Variants in CHD6 observed in about 807,000 individuals in gnomAD.
CHD6 encodes ATP-dependent chromatin remodeler CHD6.
Under a neutral mutation model 276.9 loss-of-function variants are expected in CHD6, and 50 were observed. That is an observed-to-expected ratio of 0.18 (90% CI 0.14 to 0.23). The LOEUF is 0.23. CHD6 is among the 10% of genes least tolerant of loss of function. The pLI, the probability that CHD6 is intolerant of heterozygous loss-of-function variation, is 1.00. For synonymous variants in CHD6, 1,173 were observed against 1,229.3 expected (o/e 0.95, Z 0.96); for missense variants, 2,564 against 3,365.8 (o/e 0.76, Z 5.89).
chr20:41,586,562 GCCATCTTGGGAGCGGCCCACCA>G (rs2045597480), intron 1 of CHD6, among the ~76,000 whole-genome samples: 1 of 152,220 alleles, frequency 6.6e-6, no homozygotes, highest in Non-Finnish European at 1.5e-5. Flanking sequence ...AAGGCTTGCT[GCCATCTTGGGAGCGGCCCACCA>G]CCATCTTGGG....
intron 1 of CHD6, among the ~76,000 whole-genome samples, chr20:41,554,435 C>G (rs1019832516): frequency 1.3e-5 from 2 of 151,236 alleles, no homozygotes; most frequent in Non-Finnish European, 2.9e-5. Flanking sequence ...GTGTTTCTCG[C>G]AGAGGGGGAT....
intron 3 of CHD6, among the ~76,000 whole-genome samples, chr20:41,518,293 C>T (rs1264648485): frequency 3.9e-5 from 6 of 152,134 alleles, no homozygotes; most frequent in Non-Finnish European, 8.8e-5. Context: ...TGTGTGTGTG[C>T]GTGCGCGCGT....
intron 1 of CHD6, chr20:41,614,770 GA>G (rs748722989): frequency 4.6e-5 from 7 of 152,164 alleles, no homozygotes; most frequent in Non-Finnish European, 1.0e-4. Flanking sequence ...TCCACAACAT[GA>G]ACCAAAGAAA....
chr20:41,521,245 T>C (rs2044386379), intron 3 of CHD6, among the ~76,000 whole-genome samples: 1 of 152,222 alleles, frequency 6.6e-6, no homozygotes, highest in Admixed American at 6.5e-5. Flanking sequence ...CATTAATTGA[T>C]TAACACAGCA....
intron 1 of CHD6, among the ~76,000 whole-genome samples, chr20:41,617,839 C>T (rs2045948780): frequency 1.3e-5 from 2 of 151,538 alleles, no homozygotes; most frequent in South Asian, 4.2e-4. Flanking sequence ...TGCAAACAGA[C>T]GCAGGACGCG....
chr20:41,521,672 A>G (rs184425810), intron 3 of CHD6, among the ~76,000 whole-genome samples: 176 of 152,332 alleles, frequency 1.2e-3, no homozygotes, highest in African/African-American at 3.8e-3. Flanking sequence ...CCCTATCAGC[A>G]ATGAGTACAC....
intron 14 of CHD6, chr20:41,485,944 T>G (rs2043403266): frequency 6.6e-6 from 1 of 152,122 alleles, no homozygotes; most frequent in Non-Finnish European, 1.5e-5. Context: ...TTTTGTCGAT[T>G]AAAAAAATAA....
intron 1 of CHD6, among the ~76,000 whole-genome samples, chr20:41,555,339 G>A (rs1232967343): frequency 1.4e-5 from 2 of 145,758 alleles, no homozygotes; most frequent in African/African-American, 2.5e-5. Flanking sequence ...CCTCCCGGAC[G>A]GGGCGGCCGG....
chr20:41,516,548 C>A (rs1051101276), intron 3 of CHD6, among the ~76,000 whole-genome samples: 1 of 152,086 alleles, frequency 6.6e-6, no homozygotes, highest in African/African-American at 2.4e-5. Context: ...ATTTCCAGGG[C>A]AACAGGGTTA....
intron 2 of CHD6, among the ~76,000 whole-genome samples, chr20:41,539,117 C>T (rs1284474938): frequency 6.6e-6 from 1 of 152,188 alleles, no homozygotes; most frequent in Non-Finnish European, 1.5e-5. Context: ...ACCGCCTGGA[C>T]CCTAATGAAG....
intron 35 of CHD6, 68 bp from the exon 36 acceptor site, chr20:41,412,331 T>A (rs1330936330): frequency 1.3e-6 from 2 of 1,505,182 alleles, no homozygotes; most frequent in Non-Finnish European, 1.8e-6. Context: ...AGGCTGATGC[T>A]TTTCAACTGG....
rs756283837 is a variant in CHD6 at position 41,425,158 on chromosome 20, C to T, written c.4346+20G>A. ...ACCCAGTGGGTGGCTGAGCATGCCC[C>T]TTTGGCCACTGGCTTTTACCTCTTT... On this transcript the variant is annotated intron_variant, in intron 29 of 36. Transcript: ENST00000373233. The T allele has an allele frequency of 6.8e-6, 11 of 1,608,538 alleles. No homozygotes were observed. In the Admixed American group the frequency reaches 1.2e-4, roughly 17 times the overall value.
At chr20:41,597,110 GGAA>G (rs1447772206) in intron 1 of CHD6, among the ~76,000 whole-genome samples, 25 of 152,192 alleles carry the variant, frequency 1.6e-4, no homozygotes, top group Admixed American at 1.3e-3. Flanking sequence ...TTTCAAATGT[GGAA>G]GAATAGGTCA....
chr20:41,495,576 T>A (rs1333289392), intron 8 of CHD6, among the ~76,000 whole-genome samples: 1 of 152,102 alleles, frequency 6.6e-6, no homozygotes, highest in African/African-American at 2.4e-5. Context: ...TATTATATAT[T>A]TGAAATTTGC....
chr20:41,446,738 G>C (rs2048081179), intron 24 of CHD6, among the ~76,000 whole-genome samples: 1 of 152,146 alleles, frequency 6.6e-6, no homozygotes, highest in Non-Finnish European at 1.5e-5. Context: ...ACTTTTATGG[G>C]ATGAACTGCT....
chr20:41,529,470 T>C (rs144960057), intron 3 of CHD6, among the ~76,000 whole-genome samples: 69 of 152,244 alleles, frequency 4.5e-4, no homozygotes, highest in African/African-American at 1.5e-3. Context: ...TTTCCCTGGC[T>C]GCAATACAAC....
intron 7 of CHD6, 179 bp downstream of exon 7, chr20:41,497,989 A>G (rs2043728969): frequency 1.7e-6 from 1 of 572,350 alleles, no homozygotes; most frequent in South Asian, 2.2e-5. Context: ...CTCTCCAGGT[A>G]ATTCTGTGTG....
intron 1 of CHD6, among the ~76,000 whole-genome samples, chr20:41,593,968 A>G (rs917236279): frequency 6.6e-6 from 1 of 151,910 alleles, no homozygotes; most frequent in Non-Finnish European, 1.5e-5. Flanking sequence ...TAACGAACTA[A>G]TGCAATGGAG....
rs2048256975 is a variant in CHD6 at position 41,452,092 on chromosome 20, CAGG to C, written c.3324-70_3324-68del. The stretch of plus-strand genomic sequence containing the variant: ...CCAGGCCATGCAGGCAGCCTCCCCA[CAGG>C]AGGAGAAACAAGAGCCATACATGCT... On this transcript the variant is annotated intron_variant, in intron 21 of 36. Coordinates refer to ENST00000373233, the MANE Select transcript of CHD6 (RefSeq NM_032221.5). The surrounding 1 kb of genome is among the most constrained non-coding windows in gnomAD (Gnocchi z 4.2). The C allele has an allele frequency of 5.8e-6, 7 of 1,214,188 alleles. No individual in the cohort carries two copies. The South Asian group carries it at 8.7e-5, about 15-fold the overall frequency. 75.2% of individuals were successfully genotyped at this position (1,214,188 alleles called of 1,614,324 possible).
Sources: gnomAD v4.1 joint callset for allele counts (sites outside exome capture counted in the v4.1 genomes callset) on GRCh38, gnomAD v4.1.1 for gene constraint, Gnocchi (gnomAD v3.1) non-coding constraint, MANE v1.5 for transcripts, NCBI Gene and HGNC (gene_info 2026-07-23, HGNC 2026-07-21) for gene names.